The following PDZRN3 variants were observed in gnomAD, a reference collection of about 807,000 sequenced individuals.
PDZRN3 encodes PDZ domain containing ring finger 3.
PDZRN3 carries 38 observed loss-of-function variants against 85.7 expected under a neutral mutation model. That is an observed-to-expected ratio of 0.44 (90% CI 0.34 to 0.58). The LOEUF (loss-of-function observed/expected upper bound fraction) is 0.58, where lower values mean the gene tolerates loss of function less well. Ranked by LOEUF, PDZRN3 falls within the 20% of genes least tolerant of loss-of-function variation. The pLI is 0.01. For missense variants in PDZRN3, 1,629 were observed against 1,506.4 expected (o/e 1.08, Z -1.35); for synonymous variants, 759 against 638.0 (o/e 1.19, Z -2.86).
intron 3 of PDZRN3, among the ~76,000 whole-genome samples, chr3:73,518,913 T>C (rs1353164937): frequency 6.6e-6 from 1 of 152,100 alleles, no homozygotes; most frequent in African/African-American, 2.4e-5. Flanking sequence ...AGCACAAATA[T>C]CCAGCCCATA....
intron 3 of PDZRN3, among the ~76,000 whole-genome samples, chr3:73,406,758 T>A (rs1019982597): frequency 1.3e-5 from 2 of 152,270 alleles, no homozygotes; most frequent in Admixed American, 6.5e-5. Context: ...TTTCTTACTA[T>A]GGCATATTTT....
chr3:73,584,287 A>C (rs1223522925), intron 3 of PDZRN3, among the ~76,000 whole-genome samples: 7 of 152,128 alleles, frequency 4.6e-5, no homozygotes, highest in Non-Finnish European at 1.0e-4. Flanking sequence ...TTAGGAAGGA[A>C]AGGAAAAAAA....
intron 2 of PDZRN3, among the ~76,000 whole-genome samples, chr3:73,607,507 A>G (rs1702619287): frequency 1.3e-5 from 2 of 152,156 alleles, no homozygotes; most frequent in Admixed American, 1.3e-4. Context: ...CCAACTCATC[A>G]GTCTCTCCAT....
At chr3:73,442,891 T>A (rs1470461955) in intron 3 of PDZRN3, among the ~76,000 whole-genome samples, 2 of 152,114 alleles carry the variant, frequency 1.3e-5, no homozygotes, top group African/African-American at 4.8e-5. Context: ...GGTGCCTAGG[T>A]CCCTGTGGTG....
Position 73,481,645 on chromosome 3 carries a change from A to G in PDZRN3, c.919-77250T>C, listed in dbSNP as rs543186001. Among the ~76,000 whole-genome samples the G allele has an allele frequency of 1.6e-4, 24 of 152,340 alleles. No individual in the cohort carries two copies. The East Asian group carries it at 3.3e-3, about 21-fold the overall frequency. ...ACACCTGGCCTGAGGGCAGGATTCTATCTCCTATAAGACTGAAAGCTGGAC... is the reference window on the plus strand; with the variant it reads ...ACACCTGGCCTGAGGGCAGGATTCTGTCTCCTATAAGACTGAAAGCTGGAC... On this transcript the variant is annotated intron_variant, in intron 3 of 9. Coordinates refer to ENST00000263666, the MANE Select transcript of PDZRN3 (RefSeq NM_015009.3).
At chr3:73,428,472 T>C (rs534138730) in intron 3 of PDZRN3, among the ~76,000 whole-genome samples, 4 of 152,294 alleles carry the variant, frequency 2.6e-5, no homozygotes, top group African/African-American at 7.2e-5. Flanking sequence ...AGAGTAACAG[T>C]GGTGATGAGA....
intron 5 of PDZRN3, among the ~76,000 whole-genome samples, chr3:73,397,754 C>T (rs1174837426): frequency 6.6e-6 from 1 of 152,226 alleles, no homozygotes; most frequent in Non-Finnish European, 1.5e-5. Flanking sequence ...CTGCCAGGTT[C>T]ACTTTATGAG....
chr3:73,548,492 C>T lies in PDZRN3; in HGVS notation c.918+53862G>A, dbSNP rs538153490. Among the ~76,000 whole-genome samples the T allele has an allele frequency of 2.6e-5, 4 of 152,294 alleles. No individual in the cohort carries two copies. The South Asian group carries it at 6.2e-4, about 24-fold the overall frequency. ...ATTTGAGGCTTTTTGAAGCACACAC[C>T]CTGGAGCTTCGACTGTCTTGCGGAG... is the stretch of plus-strand genomic sequence containing the variant. On this transcript the variant is annotated intron_variant, in intron 3 of 9. Transcript: ENST00000263666.
intron 1 of PDZRN3, among the ~76,000 whole-genome samples, chr3:73,615,383 T>A (rs1186724656): frequency 6.6e-6 from 1 of 152,224 alleles, no homozygotes; most frequent in Non-Finnish European, 1.5e-5. Context: ...AACAAACCTT[T>A]AAGGTGTTAC....
At chr3:73,579,620 C>G (rs1702169748) in intron 3 of PDZRN3, among the ~76,000 whole-genome samples, 1 of 152,126 alleles carries the variant, frequency 6.6e-6, no homozygotes, top group Non-Finnish European at 1.5e-5. Context: ...TTGTAAATGA[C>G]AGGGACTACA....
intron 3 of PDZRN3, among the ~76,000 whole-genome samples, chr3:73,425,155 C>T (rs571544888): frequency 3.7e-4 from 57 of 152,114 alleles, no homozygotes; most frequent in African/African-American, 1.2e-3. Context: ...GCTGGGACCA[C>T]AGGTGCCTGC....
At chr3:73,524,282 A>G (rs1442172510) in intron 3 of PDZRN3, among the ~76,000 whole-genome samples, 1 of 152,242 alleles carries the variant, frequency 6.6e-6, no homozygotes, top group Non-Finnish European at 1.5e-5. Context: ...TAATTTATGT[A>G]AAGCAAGAAA....
chr3:73,468,210 T>C (rs1703261013), intron 3 of PDZRN3, among the ~76,000 whole-genome samples: 1 of 152,146 alleles, frequency 6.6e-6, no homozygotes, highest in Admixed American at 6.5e-5. Flanking sequence ...TGGCACACTG[T>C]TGGCTTTGGA....
chr3:73,480,389 C>T (rs192142866), intron 3 of PDZRN3, among the ~76,000 whole-genome samples: 238 of 152,306 alleles, frequency 1.6e-3, no homozygotes, highest in African/African-American at 5.0e-3. Flanking sequence ...GGCTCTTGTT[C>T]AAGATCCAGG....
chr3:73,499,539 C>T (rs553525966), intron 3 of PDZRN3, among the ~76,000 whole-genome samples: 13 of 152,282 alleles, frequency 8.5e-5, no homozygotes, highest in African/African-American at 2.6e-4. Context: ...AGGGTGGATG[C>T]TCTAGATATT....
chr3:73,383,381 G>C lies in PDZRN3; in HGVS notation c.3185C>G (p.Ser1062Trp). 2 of 1,610,176 alleles carry C rather than the reference G, an allele frequency of 1.2e-6. No individual in the cohort carries two copies. The highest frequency in any genetic ancestry group is 1.7e-6 in the Non-Finnish European group (2 of 1,177,916). Residue 1062 changes from serine to tryptophan, a missense_variant, in exon 10 of 10, where the codon TCG (serine) becomes TGG (tryptophan). Transcript: ENST00000263666. ...DGTRVYNSFL[S>W]VTTV ...AAGTGAAAATTATACAGTAGTCACC[G>C]ATAGGAAGGAATTGTATACTCTAGT...
At chr3:73,389,790 A>T (rs1292663420) in intron 7 of PDZRN3, 26 bp downstream of exon 7, 2 of 1,552,132 alleles carry the variant, frequency 1.3e-6, no homozygotes, top group Admixed American at 3.3e-5. Context: ...GCCCATCATG[A>T]GGCCATTGTT....
At chr3:73,417,534 C>G (rs1702117290) in intron 3 of PDZRN3, among the ~76,000 whole-genome samples, 1 of 152,114 alleles carries the variant, frequency 6.6e-6, no homozygotes, top group African/African-American at 2.4e-5. Flanking sequence ...TAAACTTTGT[C>G]AAAATTCTGT....
chr3:73,383,714 C>T lies in PDZRN3; in HGVS notation c.2852G>A (p.Arg951Gln). Residue 951 changes from arginine (R) to glutamine (Q), a missense_variant, in exon 10 of 10, where the codon CGG (arginine) becomes CAG (glutamine). Physicochemically the swap from Arg to Gln is conservative, Grantham distance 43 (BLOSUM62 1). Coordinates refer to ENST00000263666, the MANE Select transcript of PDZRN3 (RefSeq NM_015009.3). ...RLLRERALKIREERSGMTTDD... is the reference protein window; with the variant it reads ...RLLRERALKIQEERSGMTTDD... ...GGTGGTCATGCCGCTGCGCTCTTCCCGGATCTTCAGGGCGCGCTCCCGCAG... is the reference window on the plus strand; with the variant it reads ...GGTGGTCATGCCGCTGCGCTCTTCCTGGATCTTCAGGGCGCGCTCCCGCAG... 3 of 1,611,792 alleles carry T rather than the reference C, an allele frequency of 1.9e-6. No individual in the cohort carries two copies. Among genetic ancestry groups the T allele is most frequent in the Non-Finnish European group, 2.5e-6 (3 of 1,180,028 alleles).
Sources: allele counts gnomAD v4.1 joint callset (sites outside exome capture counted in the v4.1 genomes callset), GRCh38; gene constraint gnomAD v4.1.1; transcripts MANE v1.5; gene names NCBI Gene and HGNC (gene_info 2026-07-23, HGNC 2026-07-21).